The following B3GALT1 variants were observed in gnomAD, a reference collection of about 807,000 sequenced individuals.
B3GALT1 encodes UDP-Gal:betaGlcNAc beta 1,3-galactosyltransferase, polypeptide 1.
Under a neutral mutation model 23.2 loss-of-function variants are expected in B3GALT1, and 10 were observed. The observed-to-expected ratio is 0.43, with a 90% CI of 0.27 to 0.73. The LOEUF (loss-of-function observed/expected upper bound fraction) is 0.73, where lower values mean the gene tolerates loss of function less well. B3GALT1 is among the 30% of genes least tolerant of loss of function. B3GALT1 has a pLI of 0.21. For synonymous variants in B3GALT1, 156 were observed against 141.5 expected, an observed-to-expected ratio of 1.10 and a Z score of -0.73; for missense variants, 299 against 405.4, an observed-to-expected ratio of 0.74 and a Z score of 2.25.
intron 2 of B3GALT1, among the ~76,000 whole-genome samples, chr2:167,550,779 C>A (rs186451514): frequency 1.3e-4 from 20 of 152,298 alleles, no homozygotes; most frequent in Admixed American, 1.0e-3. Flanking sequence ...AAGTGACATA[C>A]ACTTAAAAGA....
intron 4 of B3GALT1, among the ~76,000 whole-genome samples, chr2:167,856,753 G>C (rs1690007221): frequency 1.3e-5 from 2 of 152,200 alleles, no homozygotes; most frequent in South Asian, 2.1e-4. Flanking sequence ...AAAAGCAGGA[G>C]AGAGTGCCCA....
At chr2:167,502,682 G>A (rs1021154990) in intron 2 of B3GALT1, among the ~76,000 whole-genome samples, 1 of 152,084 alleles carries the variant, frequency 6.6e-6, no homozygotes, top group African/African-American at 2.4e-5. Context: ...AACAGCAAGG[G>A]GGGGATCCAC....
At chr2:167,520,101 TAAAG>T (rs1483334511) in intron 2 of B3GALT1, among the ~76,000 whole-genome samples, 1 of 151,624 alleles carries the variant, frequency 6.6e-6, no homozygotes, top group Admixed American at 6.6e-5. Flanking sequence ...ATCAAATACA[TAAAG>T]ATACTTTGAA....
At chr2:167,411,819 A>G (rs894180951) in intron 1 of B3GALT1, among the ~76,000 whole-genome samples, 3 of 152,228 alleles carry the variant, frequency 2.0e-5, no homozygotes, top group East Asian at 3.8e-4. Flanking sequence ...GTGCTCATCA[A>G]TAGATGAATG....
intron 2 of B3GALT1, among the ~76,000 whole-genome samples, chr2:167,528,921 G>C (rs572201738): frequency 6.6e-6 from 1 of 151,862 alleles, no homozygotes; most frequent in Non-Finnish European, 1.5e-5. Context: ...GCTCCCTTTT[G>C]TATTAATAGT....
chr2:167,704,657 C>T (rs1427124635), intron 3 of B3GALT1, among the ~76,000 whole-genome samples: 1 of 151,890 alleles, frequency 6.6e-6, no homozygotes, highest in Non-Finnish European at 1.5e-5. Flanking sequence ...GTGGGTAGTT[C>T]CAGAGAGATC....
intron 1 of B3GALT1, among the ~76,000 whole-genome samples, chr2:167,293,816 C>A (rs1696299200): frequency 6.6e-6 from 1 of 151,972 alleles, no homozygotes; most frequent in African/African-American, 2.4e-5. Flanking sequence ...AGGGGAGAGG[C>A]GCGTTCCACG....
At chr2:167,503,937 C>G (rs1441384944) in intron 2 of B3GALT1, among the ~76,000 whole-genome samples, 1 of 151,982 alleles carries the variant, frequency 6.6e-6, no homozygotes, top group East Asian at 1.9e-4. Flanking sequence ...GTCTTTTTTG[C>G]TTCAAATTCC....
chr2:167,828,054 A>G (rs1689266014), intron 4 of B3GALT1, among the ~76,000 whole-genome samples: 2 of 152,150 alleles, frequency 1.3e-5, no homozygotes, highest in Non-Finnish European at 2.9e-5. Context: ...GCCTCAACAA[A>G]TATTTATTCA....
chr2:167,827,916 G>A (rs1270540076), intron 4 of B3GALT1, among the ~76,000 whole-genome samples: 1 of 152,154 alleles, frequency 6.6e-6, no homozygotes, highest in Non-Finnish European at 1.5e-5. Context: ...GGCTCTCGAA[G>A]CACAGCAGAG....
chr2:167,348,089 C>T (rs902777857), intron 1 of B3GALT1, among the ~76,000 whole-genome samples: 5 of 152,128 alleles, frequency 3.3e-5, no homozygotes, highest in African/African-American at 4.8e-5. Flanking sequence ...ATTATGGAAC[C>T]ATTGTGATGA....
chr2:167,536,164 C>A (rs555274933), intron 2 of B3GALT1, among the ~76,000 whole-genome samples: 2 of 152,238 alleles, frequency 1.3e-5, no homozygotes, highest in South Asian at 4.2e-4. Context: ...GCGTCGGCCT[C>A]CCAAAGTGCT....
At chr2:167,582,027 T>C (rs1057093125) in intron 2 of B3GALT1, among the ~76,000 whole-genome samples, 6 of 152,156 alleles carry the variant, frequency 3.9e-5, no homozygotes, top group Non-Finnish European at 7.3e-5. Context: ...AGCACTAAGA[T>C]AGAAGAATAG....
chr2:167,655,968 G>A (rs1685948863), intron 3 of B3GALT1, among the ~76,000 whole-genome samples: 2 of 152,100 alleles, frequency 1.3e-5, no homozygotes, highest in Admixed American at 6.5e-5. Flanking sequence ...ATTCAATTTA[G>A]AAAGTGTCGA....
intron 2 of B3GALT1, among the ~76,000 whole-genome samples, chr2:167,535,789 C>A (rs565821164): frequency 6.6e-6 from 1 of 152,074 alleles, no homozygotes; most frequent in African/African-American, 2.4e-5. Context: ...ACATAGAATA[C>A]AATAATAAGA....
At chr2:167,860,380 G>A (rs868133316) in intron 4 of B3GALT1, among the ~76,000 whole-genome samples, 10 of 151,936 alleles carry the variant, frequency 6.6e-5, no homozygotes, top group South Asian at 4.1e-4. Context: ...TGTCTCTCTC[G>A]TGTGCTCTCT....
chr2:167,559,570 G>A lies in B3GALT1; in HGVS notation c.-410+69293G>A, dbSNP rs148399477. Among the ~76,000 whole-genome samples the A allele has an allele frequency of 4.3e-3, 650 of 152,240 alleles. 21 individuals carry two copies. The East Asian group carries it at 0.083, about 20-fold the overall frequency. On this transcript the variant is annotated intron_variant, in intron 2 of 4. Coordinates refer to ENST00000392690, the MANE Select transcript of B3GALT1 (RefSeq NM_020981.4). ...TGAAAACTTTGAAAAAAATTTAGAC[G>A]AATGTATAGCTGGAATAACCAATAC...
intron 2 of B3GALT1, among the ~76,000 whole-genome samples, chr2:167,639,839 C>T (rs1403763017): frequency 6.6e-6 from 1 of 151,994 alleles, no homozygotes; most frequent in Non-Finnish European, 1.5e-5. Context: ...TATTAACTGG[C>T]CCCTGCATAT....
At chr2:167,391,271 C>G (rs770589317) in intron 1 of B3GALT1, among the ~76,000 whole-genome samples, 1 of 152,150 alleles carries the variant, frequency 6.6e-6, no homozygotes, top group Non-Finnish European at 1.5e-5. Context: ...CAGGTTTGAT[C>G]GTAGTCCCAC....
Sources: gnomAD v4.1 joint callset for allele counts (sites outside exome capture counted in the v4.1 genomes callset) on GRCh38, gnomAD v4.1.1 for gene constraint, MANE v1.5 for transcripts, NCBI Gene and HGNC (gene_info 2026-07-23, HGNC 2026-07-21) for gene names.